The following ACSS3 variants were observed in gnomAD, a reference collection of about 807,000 sequenced individuals.
ACSS3 encodes the protein acyl-CoA synthetase short-chain family member 3, mitochondrial.
Under a neutral mutation model 84.2 loss-of-function variants are expected in ACSS3, and 64 were observed. The observed-to-expected ratio is 0.76, with a 90% CI of 0.62 to 0.94. ACSS3 has a LOEUF of 0.94. ACSS3 is among the 40% of genes least tolerant of loss of function. ACSS3 has a pLI of 0.00. For missense variants in ACSS3, 815 were observed against 867.6 expected, an observed-to-expected ratio of 0.94 and a Z score of 0.76; for synonymous variants, 317 against 310.1, an observed-to-expected ratio of 1.02 and a Z score of -0.23.
At chr12:81,136,284 C>T (rs1885797914) in intron 3 of ACSS3, among the ~76,000 whole-genome samples, 1 of 152,064 alleles carries the variant, frequency 6.6e-6, no homozygotes, top group African/African-American at 2.4e-5. Flanking sequence ...TGGTAATTGA[C>T]CAGATAGTAA....
intron 7 of ACSS3, among the ~76,000 whole-genome samples, chr12:81,152,680 T>C (rs1216201869): frequency 6.6e-6 from 1 of 152,172 alleles, no homozygotes; most frequent in East Asian, 1.9e-4. Flanking sequence ...ATCAATGTCT[T>C]GTATAAAGAC....
intron 8 of ACSS3, among the ~76,000 whole-genome samples, chr12:81,176,811 C>T (rs911630110): frequency 4.6e-5 from 7 of 152,108 alleles, no homozygotes; most frequent in Non-Finnish European, 7.3e-5. Flanking sequence ...CTTCCTAACT[C>T]ATTCTATAAG....
chr12:81,163,576 G>A (rs1017336557), intron 7 of ACSS3, among the ~76,000 whole-genome samples: 2 of 152,122 alleles, frequency 1.3e-5, no homozygotes, highest in African/African-American at 4.8e-5. Context: ...AACAGTCTCA[G>A]ACAGATCCTT....
intron 13 of ACSS3, among the ~76,000 whole-genome samples, chr12:81,241,533 TG>T (rs1441036869): frequency 2.6e-5 from 4 of 152,294 alleles, no homozygotes; most frequent in East Asian, 1.9e-4. Context: ...CCATTCTAAC[TG>T]GTATGAGATG....
In ACSS3 at chr12:81,259,608, C is replaced by T. The variant is rs557611095; in HGVS notation, c.*4686C>T. On this transcript the variant is annotated 3_prime_UTR_variant, in exon 16 of 16. Transcript: ENST00000548058. ...AGTTTTCACAAAGGTTTTCACTGCT[C>T]GTCTTCTTAGATGGTAGTGCACTTT... The T allele has an allele frequency of 2.0e-4, 309 of 1,528,358 alleles. 1 individual carries two copies. The African/African-American group carries it at 3.5e-3, about 17-fold the overall frequency. The allele number at this position is 1,528,358 out of a possible 1,614,324, so 94.7% of individuals were successfully genotyped here. A position where few individuals can be genotyped will look rare whatever the true frequency, so the allele number is the denominator to read the frequency against.
intron 10 of ACSS3, among the ~76,000 whole-genome samples, chr12:81,218,172 A>G (rs966224472): frequency 6.6e-6 from 1 of 152,190 alleles, no homozygotes; most frequent in Non-Finnish European, 1.5e-5. Flanking sequence ...AAGGCAGAAT[A>G]TGTCTTAGCT....
Position 81,122,529 on chromosome 12 carries a change from G to C in ACSS3, c.457-12287G>C, listed in dbSNP as rs146197823. 5.6e-4 allele frequency among the ~76,000 whole-genome samples: 85 copies of C among 152,210 alleles called. 1 individual carries two copies. In the East Asian group the frequency reaches 0.012, roughly 22 times the overall value. On this transcript the variant is annotated intron_variant, in intron 2 of 15. Coordinates refer to ENST00000548058, the MANE Select transcript of ACSS3 (RefSeq NM_024560.4). ...TTTATTATTGTATAAACAAATATGT[G>C]AGGCAATTATTACTATCATACTATC...
chr12:81,148,447 A>G (rs189539955), intron 5 of ACSS3, among the ~76,000 whole-genome samples: 1 of 152,332 alleles, frequency 6.6e-6, no homozygotes, highest in Admixed American at 6.5e-5. Context: ...ATTTCTGAGT[A>G]ACTAACATTC....
intron 10 of ACSS3, among the ~76,000 whole-genome samples, chr12:81,218,984 T>A (rs955978144): frequency 1.3e-5 from 2 of 152,154 alleles, no homozygotes; most frequent in African/African-American, 4.8e-5. Flanking sequence ...AAAATCCTTT[T>A]TGTCTAAAAA....
At chr12:81,160,519 A>T (rs1887097698) in intron 7 of ACSS3, among the ~76,000 whole-genome samples, 1 of 152,184 alleles carries the variant, frequency 6.6e-6, no homozygotes, top group African/African-American at 2.4e-5. Context: ...CTCTGCCTTT[A>T]TGTACCTATA....
intron 2 of ACSS3, among the ~76,000 whole-genome samples, chr12:81,116,717 G>C (rs866207862): frequency 7.0e-4 from 106 of 152,004 alleles, no homozygotes; most frequent in African/African-American, 2.5e-3. Context: ...AGCTAATGTA[G>C]GCCTCATAGT....
At chr12:81,172,414 A>G (rs1383840061) in intron 7 of ACSS3, among the ~76,000 whole-genome samples, 1 of 152,064 alleles carries the variant, frequency 6.6e-6, no homozygotes, top group Non-Finnish European at 1.5e-5. Flanking sequence ...AGCACATCCC[A>G]GCACAGTTGT....
At chr12:81,227,529 A>G (rs2033311946) in intron 11 of ACSS3, among the ~76,000 whole-genome samples, 1 of 151,834 alleles carries the variant, frequency 6.6e-6, no homozygotes, top group Non-Finnish European at 1.5e-5. Flanking sequence ...ATCAATATCT[A>G]TTTGCTGATT....
intron 13 of ACSS3, 92 bp downstream of exon 13, chr12:81,233,563 A>G (rs2033533755): frequency 1.3e-5 from 19 of 1,477,644 alleles, no homozygotes; most frequent in Admixed American, 5.8e-5. Flanking sequence ...TTGGAAAATT[A>G]CCACACCCTT....
At chr12:81,178,573 A>G (rs1593165097) in intron 8 of ACSS3, among the ~76,000 whole-genome samples, 1 of 152,158 alleles carries the variant, frequency 6.6e-6, no homozygotes, top group East Asian at 1.9e-4. Flanking sequence ...TAAAATACCT[A>G]GGAATACACC....
At chr12:81,118,735 G>T (rs879645774) in intron 2 of ACSS3, among the ~76,000 whole-genome samples, 1 of 152,134 alleles carries the variant, frequency 6.6e-6, no homozygotes, top group African/African-American at 2.4e-5. Flanking sequence ...AAGAACAAAG[G>T]CTTCAGTGAG....
intron 1 of ACSS3, among the ~76,000 whole-genome samples, chr12:81,082,037 G>A (rs567201807): frequency 5.9e-5 from 9 of 152,304 alleles, no homozygotes; most frequent in Non-Finnish European, 1.2e-4. Context: ...ACACAGCAGC[G>A]TGAAAGACAT....
chr12:81,155,077 G>C (rs1886798025), intron 7 of ACSS3, among the ~76,000 whole-genome samples: 1 of 152,122 alleles, frequency 6.6e-6, no homozygotes, highest in Non-Finnish European at 1.5e-5. Context: ...TTTATGTCTA[G>C]AAGAGGGTAT....
At chr12:81,145,545 G>C (rs2135738698) in intron 5 of ACSS3, among the ~76,000 whole-genome samples, 1 of 152,280 alleles carries the variant, frequency 6.6e-6, no homozygotes, top group South Asian at 2.1e-4. Flanking sequence ...ACACACAATG[G>C]AGACAAAGAA....
Sources: allele counts gnomAD v4.1 joint callset (sites outside exome capture counted in the v4.1 genomes callset), GRCh38; gene constraint gnomAD v4.1.1; transcripts MANE v1.5; gene names NCBI Gene and HGNC (gene_info 2026-07-23, HGNC 2026-07-21).